The following LRRIQ1 variants were observed in gnomAD, a reference collection of about 807,000 sequenced individuals.
LRRIQ1 encodes leucine rich repeats and IQ motif containing 1.
Under a neutral mutation model 211.9 loss-of-function variants are expected in LRRIQ1, and 210 were observed. The observed-to-expected ratio is 0.99, with a 90% CI of 0.89 to 1.11. The LOEUF (loss-of-function observed/expected upper bound fraction) is 1.11, where lower values mean the gene tolerates loss of function less well. Among genes scored for constraint, LRRIQ1 ranks in the 50% most tolerant of loss-of-function variants. The probability of loss-of-function intolerance (pLI) is 0.00; values close to 1 mark genes in which losing one functional copy is unlikely to be tolerated. For missense variants in LRRIQ1, 2,136 were observed against 1,939.5 expected, an observed-to-expected ratio of 1.10 and a Z score of -1.90; for synonymous variants, 699 against 650.1, an observed-to-expected ratio of 1.08 and a Z score of -1.14.
downstream of LRRIQ1, among the ~76,000 whole-genome samples, chr12:85,267,638 T>C (rs1896451746): frequency 6.6e-6 from 1 of 152,024 alleles, no homozygotes; most frequent in Admixed American, 6.6e-5. Context: ...CTCCTTCTCA[T>C]CTTTCTCCAC....
At chr12:85,082,183 G>A (rs1335223850) in intron 11 of LRRIQ1, among the ~76,000 whole-genome samples, 1 of 151,832 alleles carries the variant, frequency 6.6e-6, no homozygotes, top group Non-Finnish European at 1.5e-5. Context: ...ATTTTTCTAG[G>A]TCGAAGTTTA....
intron 16 of LRRIQ1, 83 bp from the exon 17 acceptor site, chr12:85,123,987 C>A: frequency 1.1e-6 from 1 of 894,688 alleles, no homozygotes; most frequent in Non-Finnish European, 1.7e-6. Context: ...TGAGGCCATA[C>A]AGTGAAATTT....
chr12:85,040,774 AT>A (rs546447260), intron 3 of LRRIQ1, among the ~76,000 whole-genome samples, 173 bp downstream of exon 3: 18 of 148,470 alleles, frequency 1.2e-4, no homozygotes, highest in African/African-American at 2.2e-4. Context: ...TAGTTCATTC[AT>A]TTTTTTTTTA....
chr12:85,205,943 T>C (rs916732494), intron 24 of LRRIQ1, among the ~76,000 whole-genome samples: 1 of 152,194 alleles, frequency 6.6e-6, no homozygotes, highest in African/African-American at 2.4e-5. Flanking sequence ...GTTTTTTATC[T>C]CTATCATCTC....
Position 85,055,557 on chromosome 12 carries a change from G to A in LRRIQ1, c.764G>A (p.Arg255Lys). The change falls in exon 8 of 27, where the codon AGA (arginine) becomes AAA (lysine). Residue 255 changes from arginine (R) to lysine (K), a missense_variant. Transcript: ENST00000393217. ...EKFKQHEEYIRNLHLQMEEER... is the reference protein window; with the variant it reads ...EKFKQHEEYIKNLHLQMEEER... ...CTTACTTTGTTTTAGGAGTATATTA[G>A]AAACTTGCATTTACAAATGGAAGAA... is the stretch of plus-strand genomic sequence containing the variant. 3 of 1,526,906 alleles carry A rather than the reference G, an allele frequency of 2.0e-6. No individual in the cohort carries two copies. Among genetic ancestry groups the A allele is most frequent in the Non-Finnish European group, 2.6e-6 (3 of 1,143,752 alleles). 94.6% of individuals were successfully genotyped at this position (1,526,906 alleles called of 1,614,324 possible).
intron 24 of LRRIQ1, among the ~76,000 whole-genome samples, chr12:85,174,466 T>G (rs988066670): frequency 4.7e-4 from 70 of 149,578 alleles, no homozygotes; most frequent in Non-Finnish European, 9.5e-4. Flanking sequence ...GAGGCCAAGG[T>G]GGGCAGATAG....
intron 26 of LRRIQ1, among the ~76,000 whole-genome samples, chr12:85,235,484 G>A (rs543967172): frequency 3.3e-5 from 5 of 152,288 alleles, no homozygotes; most frequent in East Asian, 1.9e-4. Context: ...GTCTGGAGAC[G>A]GGGAAGACCC....
chr12:85,240,665 C>T (rs145451479), intron 26 of LRRIQ1, among the ~76,000 whole-genome samples: 16 of 152,082 alleles, frequency 1.1e-4, no homozygotes, highest in African/African-American at 3.4e-4. Flanking sequence ...ATACAACACA[C>T]AATTAAAAAG....
chr12:85,239,880 G>A (rs768631553), intron 26 of LRRIQ1, among the ~76,000 whole-genome samples: 8 of 151,674 alleles, frequency 5.3e-5, no homozygotes, highest in Non-Finnish European at 1.0e-4. Context: ...CAGGAGGCTG[G>A]GACACAAGAA....
chr12:85,077,377 G>A (rs1035198867), intron 11 of LRRIQ1, among the ~76,000 whole-genome samples: 6 of 152,128 alleles, frequency 3.9e-5, no homozygotes, highest in Non-Finnish European at 7.4e-5. Context: ...AACTTTAAAA[G>A]AGCTGTTAAA....
At chr12:85,145,939 A>C (rs1344189827) in intron 19 of LRRIQ1, among the ~76,000 whole-genome samples, 1 of 151,740 alleles carries the variant, frequency 6.6e-6, no homozygotes, top group Non-Finnish European at 1.5e-5. Context: ...TTGTTTTTAC[A>C]TGAGAAATTT....
chr12:85,247,099 T>C (rs929851746), downstream of LRRIQ1, among the ~76,000 whole-genome samples: 3 of 151,534 alleles, frequency 2.0e-5, no homozygotes, highest in African/African-American at 7.3e-5. Flanking sequence ...TGGGCTAAAG[T>C]ATGGAAGTCT....
At chr12:85,100,646 T>C (rs1209833929) in intron 13 of LRRIQ1, among the ~76,000 whole-genome samples, 1 of 151,734 alleles carries the variant, frequency 6.6e-6, no homozygotes, top group African/African-American at 2.4e-5. Context: ...TTTCAAATAA[T>C]ACTGTCACTG....
At chr12:85,146,122 A>G (rs1414697042) in intron 19 of LRRIQ1, among the ~76,000 whole-genome samples, 1 of 143,684 alleles carries the variant, frequency 7.0e-6, no homozygotes, top group Non-Finnish European at 1.5e-5. Flanking sequence ...CTTTAATCCA[A>G]CTATAGCTGG....
At chr12:85,224,282 T>A (rs2137146628) in intron 24 of LRRIQ1, among the ~76,000 whole-genome samples, 1 of 152,202 alleles carries the variant, frequency 6.6e-6, no homozygotes, top group African/African-American at 2.4e-5. Flanking sequence ...ATAGGAACAC[T>A]TTTACACTGT....
intron 15 of LRRIQ1, among the ~76,000 whole-genome samples, chr12:85,120,903 CCTGG>C (rs1233498565): frequency 6.6e-6 from 1 of 152,108 alleles, no homozygotes; most frequent in African/African-American, 2.4e-5. Context: ...TGCTGTCTGA[CCTGG>C]CTTTTTCACA....
chr12:85,057,075 A>C lies in LRRIQ1; in HGVS notation c.2282A>C (p.Gln761Pro). The change falls in exon 8 of 27, where the codon CAA becomes CCA. Residue 761 changes from glutamine (Q) to proline (P), a missense_variant. Physicochemically the swap from Gln to Pro is moderately conservative, Grantham distance 76. Coordinates refer to ENST00000393217, the MANE Select transcript of LRRIQ1 (RefSeq NM_001079910.2). The stretch of plus-strand genomic sequence containing the variant: ...CTTGAAATTTTCAAGCAAAATCAAC[A>C]AAAGAAAATTGTTAGAAGAAAGAGA... ...PWLEIFKQNQ[Q>P]KKIVRRKRPV... 1 of 1,609,184 alleles carries C rather than the reference A, an allele frequency of 6.2e-7. No homozygotes were observed. Among genetic ancestry groups the C allele is most frequent in the Non-Finnish European group, 8.5e-7 (1 of 1,178,374 alleles).
chr12:85,094,878 CT>C (rs1225314976), intron 11 of LRRIQ1, among the ~76,000 whole-genome samples: 18 of 151,784 alleles, frequency 1.2e-4, no homozygotes, highest in Admixed American at 5.9e-4. Context: ...GTGTGTATGT[CT>C]ATTGTAAATG....
intron 24 of LRRIQ1, among the ~76,000 whole-genome samples, chr12:85,200,353 T>A (rs529537358): frequency 6.6e-6 from 1 of 152,182 alleles, no homozygotes; most frequent in Non-Finnish European, 1.5e-5. Flanking sequence ...GTTTATCAGA[T>A]CAAGGAGCTT....
Sources: gnomAD v4.1 joint callset for allele counts (sites outside exome capture counted in the v4.1 genomes callset) on GRCh38, gnomAD v4.1.1 for gene constraint, MANE v1.5 for transcripts, NCBI Gene and HGNC (gene_info 2026-07-23, HGNC 2026-07-21) for gene names.